The following LHPP variants were observed in gnomAD, a reference collection of about 807,000 sequenced individuals.
LHPP encodes hLHPP.
Under a neutral mutation model 30.3 loss-of-function variants are expected in LHPP, and 24 were observed. The observed-to-expected ratio is 0.79, with a 90% CI of 0.57 to 1.11. LHPP has a LOEUF of 1.11. Ranked by LOEUF, LHPP falls within the 50% of genes most tolerant of loss-of-function variation. LHPP has a pLI of 0.00. For synonymous variants in LHPP, 150 were observed against 157.1 expected (o/e 0.95, Z 0.34); for missense variants, 356 against 367.2 (o/e 0.97, Z 0.25).
At chr10:124,556,915 A>G (rs1948309755) in intron 6 of LHPP, among the ~76,000 whole-genome samples, 1 of 152,196 alleles carries the variant, frequency 6.6e-6, no homozygotes. Context: ...GATGGAGCGC[A>G]GAGTCTGTGG....
At chr10:124,503,210 G>C (rs1372388511) in intron 5 of LHPP, among the ~76,000 whole-genome samples, 2 of 151,628 alleles carry the variant, frequency 1.3e-5, no homozygotes, top group Non-Finnish European at 2.9e-5. Flanking sequence ...GGGATTACAG[G>C]CATGTGCCAC....
chr10:124,468,351 T>C (rs558467164), intron 1 of LHPP, among the ~76,000 whole-genome samples: 17 of 152,256 alleles, frequency 1.1e-4, no homozygotes, highest in African/African-American at 2.9e-4. Flanking sequence ...GTAATAACAA[T>C]CCCGAAATAC....
chr10:124,610,080 T>C (rs1308775339), intron 6 of LHPP, among the ~76,000 whole-genome samples: 2 of 152,184 alleles, frequency 1.3e-5, no homozygotes, highest in African/African-American at 4.8e-5. Context: ...GCCCGTACCA[T>C]AGAAGGCCTC....
At chr10:124,554,173 TATTTATTC>T (rs1185855351) in intron 6 of LHPP, 6 of 486,596 alleles carry the variant, frequency 1.2e-5, no homozygotes, top group Non-Finnish European at 1.6e-5. Context: ...GTTTATTATG[TATTTATTC>T]ATTTATTCAT....
At chr10:124,594,211 T>C (rs1184629578) in intron 6 of LHPP, among the ~76,000 whole-genome samples, 1 of 150,114 alleles carries the variant, frequency 6.7e-6, no homozygotes, top group Non-Finnish European at 1.5e-5. Context: ...ATGCCTATAA[T>C]CCCAGCTACT....
At chr10:124,552,324 G>A (rs1409514002) in intron 6 of LHPP, among the ~76,000 whole-genome samples, 1 of 152,108 alleles carries the variant, frequency 6.6e-6, no homozygotes, top group African/African-American at 2.4e-5. Flanking sequence ...GTAAGTGGCA[G>A]AGCAGGCCCT....
At chr10:124,569,791 G>A (rs1045957935) in intron 6 of LHPP, among the ~76,000 whole-genome samples, 24 of 152,190 alleles carry the variant, frequency 1.6e-4, no homozygotes, top group African/African-American at 5.3e-4. Flanking sequence ...TCACAAGCAA[G>A]GTGTCTCTGT....
At chr10:124,525,620 C>A (rs2133922728) in intron 6 of LHPP, among the ~76,000 whole-genome samples, 1 of 152,296 alleles carries the variant, frequency 6.6e-6, no homozygotes, top group East Asian at 1.9e-4. Context: ...TGGTGGGGTC[C>A]ACATGGCTCA....
chr10:124,554,129 T>G (rs919829580), intron 6 of LHPP: 18 of 916,364 alleles, frequency 2.0e-5, no homozygotes, highest in Non-Finnish European at 2.3e-5. Flanking sequence ...TGGGACGACC[T>G]GGGCCAGGTA....
intron 6 of LHPP, among the ~76,000 whole-genome samples, chr10:124,578,094 C>T (rs966735250): frequency 6.6e-6 from 1 of 152,156 alleles, no homozygotes; most frequent in East Asian, 1.9e-4. Context: ...CAGGCACACA[C>T]CTGAGTCGCT....
chr10:124,471,517 T>G (rs1171752065), intron 1 of LHPP, among the ~76,000 whole-genome samples: 1,170 of 34,172 alleles, frequency 0.034, 230 homozygotes, highest in African/African-American at 0.091. Flanking sequence ...TTATATATAT[T>G]TATATATTTA....
At chr10:124,512,856 C>T (rs774093706) in intron 5 of LHPP, among the ~76,000 whole-genome samples, 5 of 152,030 alleles carry the variant, frequency 3.3e-5, no homozygotes, top group East Asian at 3.9e-4. Flanking sequence ...ACATCGGGCC[C>T]GCCCCCTCTT....
chr10:124,582,617 C>A (rs1173029608), intron 6 of LHPP, among the ~76,000 whole-genome samples: 1 of 152,140 alleles, frequency 6.6e-6, no homozygotes, highest in Non-Finnish European at 1.5e-5. Context: ...GGAAGACTTA[C>A]TGAAAACATA....
intron 6 of LHPP, among the ~76,000 whole-genome samples, chr10:124,575,394 T>C (rs188589448): frequency 8.5e-5 from 13 of 152,072 alleles, no homozygotes; most frequent in African/African-American, 3.1e-4. Flanking sequence ...GGGGCGGAGG[T>C]ACAGTTCACT....
At chr10:124,525,028 G>A (rs1954697319) in intron 6 of LHPP, among the ~76,000 whole-genome samples, 2 of 152,220 alleles carry the variant, frequency 1.3e-5, no homozygotes, top group Non-Finnish European at 2.9e-5. Flanking sequence ...CAGTCCTGCA[G>A]AGGCGGCCCC....
At chr10:124,484,112 C>T (rs1400712010) in intron 1 of LHPP, 27 bp from the exon 2 acceptor site, 3 of 1,608,330 alleles carry the variant, frequency 1.9e-6, no homozygotes, top group Non-Finnish European at 2.5e-6. Flanking sequence ...GTGCTGACTT[C>T]CCGGGCCTGT....
At chr10:124,513,507 CA>C (rs1397319002) in intron 5 of LHPP, among the ~76,000 whole-genome samples, 2 of 144,436 alleles carry the variant, frequency 1.4e-5, no homozygotes, top group African/African-American at 5.2e-5. Flanking sequence ...CTCCATCGCC[CA>C]TGCTGGAGTT....
chr10:124,608,917 A>G (rs1286419073), intron 6 of LHPP, among the ~76,000 whole-genome samples: 1 of 152,202 alleles, frequency 6.6e-6, no homozygotes, highest in Non-Finnish European at 1.5e-5. Context: ...TGTGGCTGGC[A>G]GCCCCAGGAA....
chr10:124,498,157 G>GGGGAGACAGCCCCGTCA, intron 5 of LHPP, 29 bp downstream of exon 5: 1 of 1,384,574 alleles, frequency 7.2e-7, no homozygotes, highest in Non-Finnish European at 1.0e-6. Context: ...AAGTGGGTCA[G>GGGGAGACAGCCCCGTCA]GGGAGGCAGC....
Sources: allele counts gnomAD v4.1 joint callset (sites outside exome capture counted in the v4.1 genomes callset), GRCh38; gene constraint gnomAD v4.1.1; transcripts MANE v1.5; gene names NCBI Gene and HGNC (gene_info 2026-07-23, HGNC 2026-07-21).